The following AMY2B variants were observed in gnomAD, a reference collection of about 807,000 sequenced individuals.
The protein encoded by AMY2B is alpha-amylase 2B.
In AMY2B, 63 loss-of-function variants were observed where a neutral mutation model predicts 59.3. That is an observed-to-expected ratio of 1.06 (90% CI 0.87 to 1.31). The LOEUF (loss-of-function observed/expected upper bound fraction) is 1.31. Ranked by LOEUF, AMY2B falls within the 50% of genes most tolerant of loss-of-function variation. The pLI, the probability that AMY2B is intolerant of heterozygous loss-of-function variation, is 0.00. For synonymous variants in AMY2B, 180 were observed against 198.1 expected, an observed-to-expected ratio of 0.91 and a Z score of 0.77; for missense variants, 635 against 626.7, an observed-to-expected ratio of 1.01 and a Z score of -0.14.
At chr1:103,561,160 C>T (rs187078134) in intron 1 of AMY2B, among the ~76,000 whole-genome samples, 1 of 152,086 alleles carries the variant, frequency 6.6e-6, no homozygotes, top group Admixed American at 6.5e-5. Context: ...TAATTGAGAA[C>T]CTAGTATGAA....
Position 103,579,462 on chromosome 1 carries a change from G to A in AMY2B, c.1498G>A (p.Asp500Asn). ...AHFSISNSAE[D>N]PFIAIHAESK... ...TTTTTCTATTAGTAACTCTGCTGAG[G>A]ATCCATTTATTGCAATTCATGCTGA... Residue 500 changes from aspartate (D) to asparagine (N), a missense_variant, in exon 10 of 10, where the codon GAT becomes AAT. Asp to Asn is a conservative substitution (Grantham distance 23). Coordinates refer to ENST00000684275, the MANE Select transcript of AMY2B (RefSeq NM_001387437.1). 1 of 1,611,626 alleles carries A rather than the reference G, an allele frequency of 6.2e-7. No homozygotes were observed. The highest frequency in any genetic ancestry group is 1.7e-5 in the Admixed American group (1 of 59,998).
intron 2 of AMY2B, among the ~76,000 whole-genome samples, chr1:103,565,935 C>T (rs906181353): frequency 6.6e-6 from 1 of 152,088 alleles, no homozygotes; most frequent in Non-Finnish European, 1.5e-5. Flanking sequence ...TTTATTATTA[C>T]TTTCCTGTTT....
chr1:103,573,604 A>G (rs1652223921), intron 3 of AMY2B, 104 bp from the exon 4 acceptor site: 10 of 1,529,702 alleles, frequency 6.5e-6, no homozygotes, highest in African/African-American at 2.7e-5. Flanking sequence ...GGAAGTCACT[A>G]TAGAATATCT....
chr1:103,577,032 C>A lies in AMY2B; in HGVS notation c.1102-458C>A, dbSNP rs552018051. Among the ~76,000 whole-genome samples, 5 of 152,294 alleles carry A rather than the reference C, an allele frequency of 3.3e-5. No individual in the cohort carries two copies. In the East Asian group the frequency reaches 9.7e-4, roughly 29 times the overall value. ...AGAAGATCAGCTGACCTGAGGAGTT[C>A]AAGACCTATCTGGGCAAGCTAGCAA... On this transcript the variant is annotated intron_variant, in intron 7 of 9. Transcript: ENST00000684275.
At chr1:103,571,519 C>T, upstream of AMY2B, 1 of 1,579,984 alleles carries the variant, frequency 6.3e-7, no homozygotes, top group Non-Finnish European at 8.6e-7. Flanking sequence ...AGTATTTATT[C>T]ATGCTAATAT....
intron 1 of AMY2B, among the ~76,000 whole-genome samples, chr1:103,562,297 C>T (rs920379205): frequency 1.3e-5 from 2 of 152,132 alleles, no homozygotes; most frequent in African/African-American, 4.8e-5. Flanking sequence ...CAAAAGGTTT[C>T]TCTGATTTCA....
chr1:103,577,345 A>T (rs1652398261), intron 7 of AMY2B, 145 bp from the exon 8 acceptor site: 26 of 1,451,462 alleles, frequency 1.8e-5, no homozygotes, highest in Non-Finnish European at 2.4e-5. Flanking sequence ...GTAAAGGGCT[A>T]TAAAAATTAT....
intron 2 of AMY2B, 120 bp from the exon 3 acceptor site, chr1:103,572,943 A>T (rs1463272244): frequency 1.9e-6 from 3 of 1,569,820 alleles, no homozygotes; most frequent in Non-Finnish European, 2.6e-6. Flanking sequence ...GTAGGAAAAT[A>T]GTTATAAGAT....
chr1:103,563,382 C>T (rs1379660955), intron 1 of AMY2B, among the ~76,000 whole-genome samples: 1 of 152,054 alleles, frequency 6.6e-6, no homozygotes, highest in Non-Finnish European at 1.5e-5. Context: ...CTAAGGATAA[C>T]TCTTTTAGAA....
At chr1:103,575,850 C>T (rs1652333523) in intron 7 of AMY2B, 1 of 259,980 alleles carries the variant, frequency 3.8e-6, no homozygotes, top group African/African-American at 2.3e-5. Context: ...AAGTACCTAC[C>T]TCAGGGTTAA....
chr1:103,563,080 G>T (rs976286460), intron 1 of AMY2B, among the ~76,000 whole-genome samples: 21 of 152,024 alleles, frequency 1.4e-4, no homozygotes, highest in Non-Finnish European at 2.1e-4. Flanking sequence ...GGCTAATTTT[G>T]AGTTAATTCT....
chr1:103,570,814 G>A (rs147998703), upstream of AMY2B: 25 of 441,814 alleles, frequency 5.7e-5, no homozygotes, highest in African/African-American at 4.7e-4. Flanking sequence ...TTTAAAGCTT[G>A]TATCTGATAT....
At chr1:103,570,447 T>G (rs1652080717), upstream of AMY2B, 1 of 794,862 alleles carries the variant, frequency 1.3e-6, no homozygotes, top group Admixed American at 1.8e-5. Flanking sequence ...CACGGTGCTA[T>G]CTGGTGGCAA....
At chr1:103,570,303 C>T (rs1652073944), upstream of AMY2B, 28 of 605,290 alleles carry the variant, frequency 4.6e-5, no homozygotes, top group South Asian at 3.8e-4. Context: ...TCACCATCGG[C>T]AATGAGGTTG....
rs59615316 is a variant in AMY2B, at chr1:103,575,060, GTATATA to G, written c.879-143_879-138del. ...TGAGTGTGTGTTTGTGTGTGTGTAT[GTATATA>G]TATATATATATATATATATCTTACA... On this transcript the variant is annotated intron_variant, in intron 5 of 9. Transcript: ENST00000684275. Among the ~76,000 whole-genome samples, 151 of 143,602 alleles carry G rather than the reference GTATATA, an allele frequency of 1.1e-3. 2 individuals carry two copies. The highest frequency in any genetic ancestry group is 1.8e-3 in the African/African-American group (72 of 39,674). The allele number at this position is 143,602 out of a possible 152,430, so 94.2% of individuals were successfully genotyped here.
upstream of AMY2B, among the ~76,000 whole-genome samples, chr1:103,567,817 A>G (rs1651960958): frequency 6.6e-6 from 1 of 152,062 alleles, no homozygotes; most frequent in African/African-American, 2.4e-5. Context: ...CATGTGCTCT[A>G]GCCACACTGA....
chr1:103,577,783 G>T lies in AMY2B; in HGVS notation c.1284G>T (p.Gly428=). The part of the protein sequence containing the change: ...GQPFTNWYDN[G]SNQVAFGRGN... Reference sequence around the variant, plus strand: ...CTTTTACAAACTGGTATGATAATGGGAGCAACCAAGTGGCTTTTGGGAGAG... The same window carrying T: ...CTTTTACAAACTGGTATGATAATGGTAGCAACCAAGTGGCTTTTGGGAGAG... Residue 428 remains glycine (G), a synonymous_variant, in exon 9 of 10, where the codon GGG becomes GGT. Coordinates refer to ENST00000684275, the MANE Select transcript of AMY2B (RefSeq NM_001387437.1). The T allele has an allele frequency of 6.2e-7, 1 of 1,608,010 alleles. No homozygotes were observed. Among genetic ancestry groups the T allele is most frequent in the South Asian group, 1.1e-5 (1 of 90,982 alleles).
At chr1:103,572,553 A>C (rs1262651374) in intron 2 of AMY2B, among the ~76,000 whole-genome samples, 1 of 152,202 alleles carries the variant, frequency 6.6e-6, no homozygotes, top group East Asian at 1.9e-4. Flanking sequence ...GTTAAGAGTT[A>C]TAATTCCAGT....
Position 103,573,167 on chromosome 1 carries a change from C to A in AMY2B, c.420C>A (p.Asp140Glu). 1 of 1,613,724 alleles carries A rather than the reference C, an allele frequency of 6.2e-7. No individual in the cohort carries two copies. Among genetic ancestry groups the A allele is most frequent in the African/African-American group, 1.3e-5 (1 of 75,020 alleles). ...CGSYFNPGSR[D>E]FPAVPYSGWD... ...GTTACTTCAACCCTGGAAGTAGGGA[C>A]TTTCCAGCAGTCCCATATTCTGGAT... Residue 140 changes from aspartate to glutamate, a missense_variant, in exon 3 of 10, where the codon GAC becomes GAA. Physicochemically the swap from Asp to Glu is conservative, Grantham distance 45. Transcript: ENST00000684275.
Sources: gnomAD v4.1 joint callset for allele counts (sites outside exome capture counted in the v4.1 genomes callset) on GRCh38, gnomAD v4.1.1 for gene constraint, MANE v1.5 for transcripts, NCBI Gene and HGNC (gene_info 2026-07-23, HGNC 2026-07-21) for gene names.